PAK6: variants seen among roughly 807,000 people sequenced by gnomAD.
PAK6 encodes the protein p21 (RAC1) activated kinase 6.
Under a neutral mutation model 60.8 loss-of-function variants are expected in PAK6, and 33 were observed. That is an observed-to-expected ratio of 0.54 (90% confidence interval 0.41 to 0.73). The LOEUF (loss-of-function observed/expected upper bound fraction) is 0.73, where lower values mean the gene tolerates loss of function less well. Ranked by LOEUF, PAK6 falls within the 30% of genes least tolerant of loss-of-function variation. The pLI is 0.00. For missense variants in PAK6, 845 were observed against 904.1 expected, an observed-to-expected ratio of 0.93 and a Z score of 0.84; for synonymous variants, 404 against 378.5, an observed-to-expected ratio of 1.07 and a Z score of -0.78.
chr15:40,272,524 C>T, exon 6 of PAK6: 2 of 1,613,842 alleles, frequency 1.2e-6, no homozygotes, highest in Non-Finnish European at 1.7e-6. Context: ...TGTTGTGACA[C>T]ATGAGCAGTT....
chr15:40,273,569 G>A (rs766611697), exon 9 of PAK6: 27 of 1,613,842 alleles, frequency 1.7e-5, no homozygotes, highest in African/African-American at 4.0e-5. Context: ...CTCGGACTTC[G>A]GATTCTGTGC....
intron 5 of PAK6, among the ~76,000 whole-genome samples, chr15:40,268,592 C>G (rs1169613382): frequency 3.3e-5 from 5 of 152,206 alleles, no homozygotes; most frequent in African/African-American, 9.6e-5. Flanking sequence ...TCCATAACAG[C>G]AGTTAGGCCA....
chr15:40,272,183 C>T, intron 5 of PAK6, 41 bp from the exon 6 acceptor site: 1 of 1,565,162 alleles, frequency 6.4e-7, no homozygotes, highest in Non-Finnish European at 8.7e-7. Context: ...ATTCCAAATG[C>T]TCCCACAGCC....
At chr15:40,266,170 A>T in exon 5 of PAK6, 3 of 1,609,160 alleles carry the variant, frequency 1.9e-6, no homozygotes, top group Non-Finnish European at 2.5e-6. Flanking sequence ...GCAAAGGCAC[A>T]GTCCCTGGGC....
intron 3 of PAK6, chr15:40,264,048 C>G (rs910116116): frequency 5.4e-5 from 23 of 423,604 alleles, no homozygotes; most frequent in African/African-American, 4.7e-4. Context: ...ATCCTCTTGG[C>G]TCAGGGCCTT....
At chr15:40,261,911 A>C (rs2038995061) in intron 3 of PAK6, among the ~76,000 whole-genome samples, 2 of 152,060 alleles carry the variant, frequency 1.3e-5, no homozygotes, top group Non-Finnish European at 2.9e-5. Flanking sequence ...TTGTTCCGGA[A>C]TGGCTCACTA....
intron 2 of PAK6, among the ~76,000 whole-genome samples, chr15:40,248,626 C>T (rs1346235307): frequency 1.3e-5 from 2 of 152,208 alleles, no homozygotes; most frequent in African/African-American, 4.8e-5. Flanking sequence ...GCAGGGAACT[C>T]AGTGACAGAG....
At chr15:40,266,488 A>G (rs2039141947) in exon 5 of PAK6, 4 of 1,601,110 alleles carry the variant, frequency 2.5e-6, no homozygotes, top group Non-Finnish European at 8.5e-7. Context: ...CCTCCACCAC[A>G]GAGCAAGGTA....
intron 2 of PAK6, chr15:40,246,519 A>C (rs2038498827): frequency 1.3e-5 from 2 of 152,268 alleles, no homozygotes; most frequent in African/African-American, 4.8e-5. Flanking sequence ...GGAAGAATGC[A>C]AGGCCGCCAG....
chr15:40,264,484 A>C (rs7162809), intron 3 of PAK6: 1 of 542,934 alleles, frequency 1.8e-6, no homozygotes, highest in East Asian at 4.4e-5. Flanking sequence ...ATTTTATAAA[A>C]ACACACCCCC....
exon 5 of PAK6, chr15:40,266,306 C>T: frequency 6.2e-7 from 1 of 1,611,962 alleles, no homozygotes; most frequent in Non-Finnish European, 8.5e-7. Context: ...CCAAGCATGG[C>T]TCTGAGGAGG....
chr15:40,266,877 C>T (rs1003603429), intron 5 of PAK6: 3 of 190,558 alleles, frequency 1.6e-5, no homozygotes, highest in African/African-American at 7.0e-5. Context: ...CCCGTGGTGA[C>T]ATTTCTTGGC....
chr15:40,241,992 T>G (rs920469015), intron 2 of PAK6, among the ~76,000 whole-genome samples: 1 of 152,134 alleles, frequency 6.6e-6, no homozygotes, highest in Non-Finnish European at 1.5e-5. Context: ...CTAGGAGTCT[T>G]CCATGCATGC....
Position 40,272,164 on chromosome 15 carries a change from G to A in PAK6, c.859-60G>A, listed in dbSNP as rs565613868. 3.4e-4 allele frequency: 521 copies of A among 1,547,116 alleles called. 2 individuals are homozygous for A. The South Asian group carries it at 3.8e-3, about 11-fold the overall frequency. ...GTCACGGCGGCCAGCCCCTGCCTCC[G>A]GGAAGGTTATTCCAAATGCTCCCAC... On this transcript the variant is annotated intron_variant, in intron 5 of 10. Transcript: ENST00000560346.
At chr15:40,261,095 A>G (rs2038972192) in intron 3 of PAK6, among the ~76,000 whole-genome samples, 3 of 151,180 alleles carry the variant, frequency 2.0e-5, no homozygotes, top group South Asian at 4.3e-4. Context: ...TCACCGTGTT[A>G]GCCAGGATGA....
exon 11 of PAK6, chr15:40,275,943 G>C: frequency 6.2e-7 from 1 of 1,613,034 alleles, no homozygotes; most frequent in Non-Finnish European, 8.5e-7. Context: ...CCAGTGCTGC[G>C]AGACTTCCTG....
chr15:40,269,317 G>C (rs1376135742), intron 5 of PAK6, among the ~76,000 whole-genome samples: 1 of 152,176 alleles, frequency 6.6e-6, no homozygotes, highest in African/African-American at 2.4e-5. Context: ...CACCATGCCA[G>C]GCCGGCTTTA....
intron 2 of PAK6, among the ~76,000 whole-genome samples, chr15:40,248,695 G>C (rs377383658): frequency 2.6e-5 from 4 of 152,070 alleles, no homozygotes; most frequent in African/African-American, 9.7e-5. Flanking sequence ...GGGTCCTCGC[G>C]TGTTACACAG....
exon 5 of PAK6, chr15:40,266,115 T>G: frequency 6.2e-7 from 1 of 1,606,686 alleles, no homozygotes; most frequent in South Asian, 1.1e-5. Context: ...GCAGATGCCG[T>G]GGCCCGAGCC....
Sources: allele counts gnomAD v4.1 joint callset (sites outside exome capture counted in the v4.1 genomes callset), GRCh38; gene constraint gnomAD v4.1.1; transcripts MANE v1.5; gene names NCBI Gene and HGNC (gene_info 2026-07-23, HGNC 2026-07-21).